ARMC9: variants seen among roughly 807,000 people sequenced by gnomAD.
ARMC9 encodes the protein lisH domain-containing protein ARMC9.
In ARMC9, 94 loss-of-function variants were observed where a neutral mutation model predicts 107.0. The observed-to-expected ratio is 0.88, with a 90% CI of 0.74 to 1.04. The LOEUF (loss-of-function observed/expected upper bound fraction) is 1.04. Ranked by LOEUF, ARMC9 falls within the 50% of genes least tolerant of loss-of-function variation. The pLI is 0.00. For missense variants in ARMC9, 942 were observed against 1,030.1 expected (o/e 0.91, Z 1.17); for synonymous variants, 380 against 396.9 (o/e 0.96, Z 0.51).
At chr2:231,271,853 G>A (rs1189338971) in intron 13 of ARMC9, among the ~76,000 whole-genome samples, 1 of 152,156 alleles carries the variant, frequency 6.6e-6, no homozygotes, top group African/African-American at 2.4e-5. Flanking sequence ...TCCCAGGTGT[G>A]GCTTCCTGCT....
chr2:231,230,820 G>GA lies in ARMC9; in HGVS notation c.622+4029dup, dbSNP rs948841630. ...TTTGTTTACGACATGAAAATGATATGAAAAAAAGTCTGTATGTGTTCAGTA... is the reference window on the plus strand; with the variant it reads ...TTTGTTTACGACATGAAAATGATATGAAAAAAAAGTCTGTATGTGTTCAGTA... On this transcript the variant is annotated intron_variant, in intron 7 of 24. Coordinates refer to ENST00000611582, the MANE Select transcript of ARMC9 (RefSeq NM_001352754.2). Among the ~76,000 whole-genome samples the GA allele has an allele frequency of 2.6e-5, 4 of 152,130 alleles. No homozygotes were observed. In the East Asian group the frequency reaches 7.7e-4, roughly 29 times the overall value.
In ARMC9 at chr2:231,360,002, C is replaced by T. The variant is rs567038508; in HGVS notation, c.2132-752C>T. 6.6e-6 allele frequency among the ~76,000 whole-genome samples: 1 copy of T among 152,184 alleles called. No homozygotes were observed. Among genetic ancestry groups the T allele is most frequent in the Non-Finnish European group, 1.5e-5 (1 of 68,040 alleles). ...CCTAAGGGAGTCACGGATGCAGCCT[C>T]TGTCACAGTGTCGCTGCAGCAGTGA... On this transcript the variant is annotated intron_variant, in intron 22 of 24. Transcript: ENST00000611582. This position sits in a 1 kb window ranked among gnomAD's most constrained non-coding sequence, Gnocchi z 4.7.
intron 23 of ARMC9, among the ~76,000 whole-genome samples, chr2:231,369,536 C>T (rs1038302449): frequency 9.3e-5 from 14 of 149,822 alleles, no homozygotes; most frequent in South Asian, 6.4e-4. Context: ...TCAGGTGATC[C>T]GCCCGCCTCG....
intron 23 of ARMC9, 86 bp from the exon 24 acceptor site, chr2:231,369,867 T>C: frequency 7.6e-7 from 1 of 1,311,796 alleles, no homozygotes; most frequent in Non-Finnish European, 9.8e-7. Context: ...GTGCTGGGAT[T>C]ATAGGCGGGA....
chr2:231,224,541 G>T (rs1263401792), intron 6 of ARMC9, among the ~76,000 whole-genome samples: 1 of 152,222 alleles, frequency 6.6e-6, no homozygotes, highest in African/African-American at 2.4e-5. Flanking sequence ...GTATGAAACA[G>T]TCCAGTATAT....
intron 9 of ARMC9, among the ~76,000 whole-genome samples, chr2:231,241,584 G>A (rs2036309322): frequency 2.0e-5 from 3 of 152,062 alleles, no homozygotes; most frequent in Admixed American, 2.0e-4. Context: ...CATTAATATA[G>A]TATTAGAGTC....
intron 16 of ARMC9, 134 bp downstream of exon 16, chr2:231,278,592 G>T: frequency 1.4e-6 from 1 of 723,970 alleles, no homozygotes; most frequent in Non-Finnish European, 2.3e-6. Flanking sequence ...CTGTCCTTCT[G>T]GGATTTTCAT....
intron 20 of ARMC9, among the ~76,000 whole-genome samples, chr2:231,340,859 G>A (rs1301697151): frequency 2.6e-5 from 4 of 152,030 alleles, no homozygotes; most frequent in Admixed American, 6.6e-5. Flanking sequence ...CTGTACTGCC[G>A]CCTGGGCAAC....
intron 1 of ARMC9, among the ~76,000 whole-genome samples, chr2:231,201,549 G>T (rs116198506): frequency 0.018 from 2,807 of 152,212 alleles, 40 homozygotes; most frequent in Non-Finnish European, 0.022. Context: ...TCAAAGTCTT[G>T]CCTTCAGGCA....
At chr2:231,371,007 G>A (rs2045998520) in intron 24 of ARMC9, 1 of 454,632 alleles carries the variant, frequency 2.2e-6, no homozygotes, top group Non-Finnish European at 4.4e-6. Flanking sequence ...CCATGGCTGG[G>A]GAGCCAGGTT....
intron 6 of ARMC9, among the ~76,000 whole-genome samples, chr2:231,225,879 AG>A (rs2034593791): frequency 2.6e-5 from 4 of 152,236 alleles, no homozygotes; most frequent in African/African-American, 9.6e-5. Flanking sequence ...TGATTGAGTC[AG>A]AATTTTGCTC....
intron 9 of ARMC9, among the ~76,000 whole-genome samples, chr2:231,244,035 G>C (rs1237928056): frequency 6.6e-6 from 1 of 152,210 alleles, no homozygotes. Flanking sequence ...GAGCGGTCTT[G>C]GGTCAGCTCG....
At chr2:231,232,664 T>C (rs1271558068) in intron 7 of ARMC9, among the ~76,000 whole-genome samples, 1 of 151,846 alleles carries the variant, frequency 6.6e-6, no homozygotes, top group Non-Finnish European at 1.5e-5. Flanking sequence ...TTGGCCAGAC[T>C]GGTCTTGAAC....
At chr2:231,265,448 A>AAAGACAGC (rs1334742808) in intron 12 of ARMC9, among the ~76,000 whole-genome samples, 3 of 152,186 alleles carry the variant, frequency 2.0e-5, no homozygotes, top group Non-Finnish European at 4.4e-5. Context: ...TTTTGCTGCA[A>AAAGACAGC]TTTGGATGGA....
At chr2:231,268,114 A>G (rs778537481) in intron 12 of ARMC9, among the ~76,000 whole-genome samples, 5 of 152,206 alleles carry the variant, frequency 3.3e-5, no homozygotes, top group Non-Finnish European at 7.3e-5. Context: ...TATATAATAT[A>G]TGGTTTCATT....
rs188199061 is a variant in ARMC9 at position 231,346,862 on chromosome 2, T to G, written c.1994+1772T>G. 3.3e-5 allele frequency among the ~76,000 whole-genome samples: 5 copies of G among 152,364 alleles called. No individual in the cohort carries two copies. The East Asian group carries it at 9.6e-4, about 29-fold the overall frequency. ...ATCTAGTTGATAAATATAATACCTT[T>G]TTAAATGGAAGTAGCAACAGGAACT... On this transcript the variant is annotated intron_variant, in intron 21 of 24. Coordinates refer to ENST00000611582, the MANE Select transcript of ARMC9 (RefSeq NM_001352754.2).
chr2:231,268,527 ATC>A (rs1054134371), intron 12 of ARMC9, among the ~76,000 whole-genome samples: 2 of 151,560 alleles, frequency 1.3e-5, no homozygotes, highest in Non-Finnish European at 2.9e-5. Context: ...CCTGAATTGG[ATC>A]TCTGTTTCCA....
chr2:231,266,841 C>T (rs188878759), intron 12 of ARMC9, among the ~76,000 whole-genome samples: 1 of 152,334 alleles, frequency 6.6e-6, no homozygotes, highest in East Asian at 1.9e-4. Context: ...GTATCTATCT[C>T]TTCCTCCGTC....
rs1212712385 is a variant in ARMC9 at position 231,255,217 on chromosome 2, ACAC to A, written c.880-1368_880-1366del. Among the ~76,000 whole-genome samples the A allele has an allele frequency of 5.1e-5, 7 of 136,924 alleles. No homozygotes were observed. The highest frequency in any genetic ancestry group is 4.0e-4 in the East Asian group (2 of 5,014). The allele number at this position is 136,924 out of a possible 152,430, so 89.8% of individuals were successfully genotyped here. A position where few individuals can be genotyped will look rare whatever the true frequency, so the allele number is the denominator to read the frequency against. On this transcript the variant is annotated intron_variant, in intron 9 of 24. Transcript: ENST00000611582. The surrounding 1 kb of genome is among the most constrained non-coding windows in gnomAD (Gnocchi z 4.7). Reference sequence around the variant, plus strand: ...CACACACACACACACACACACACACACACAAAATAAATGGGACAAGAATCTCCG... The same window carrying A: ...CACACACACACACACACACACACACAAAAATAAATGGGACAAGAATCTCCG...
Sources: allele counts gnomAD v4.1 joint callset (sites outside exome capture counted in the v4.1 genomes callset), GRCh38; gene constraint gnomAD v4.1.1; non-coding constraint Gnocchi (gnomAD v3.1); transcripts MANE v1.5; gene names NCBI Gene and HGNC (gene_info 2026-07-23, HGNC 2026-07-21).